The following PCTP variants were observed in gnomAD, a reference collection of about 807,000 sequenced individuals.
PCTP encodes the protein START domain-containing protein 2.
In PCTP, 27 loss-of-function variants were observed where a neutral mutation model predicts 31.0. The ratio of observed to expected loss-of-function variants is 0.87; its 90% CI spans 0.64 to 1.20. PCTP has a LOEUF of 1.20. Among genes scored for constraint, PCTP ranks in the 50% most tolerant of loss-of-function variants. The pLI is 0.00. For synonymous variants in PCTP, 108 were observed against 101.2 expected, an observed-to-expected ratio of 1.07 and a Z score of -0.40; for missense variants, 287 against 268.2, an observed-to-expected ratio of 1.07 and a Z score of -0.49.
At chr17:55,799,281 G>T (rs936013055) in intron 3 of PCTP, among the ~76,000 whole-genome samples, 1 of 151,898 alleles carries the variant, frequency 6.6e-6, no homozygotes, top group Non-Finnish European at 1.5e-5. Context: ...AATGCAAAAA[G>T]GTTAAAAGTA....
intron 5 of PCTP, among the ~76,000 whole-genome samples, chr17:55,830,683 A>T (rs1905564242): frequency 6.6e-6 from 1 of 152,226 alleles, no homozygotes; most frequent in Admixed American, 6.5e-5. Flanking sequence ...CGTGACATTA[A>T]TAAATCAGAA....
chr17:55,820,593 T>C lies in PCTP; in HGVS notation c.318-2168T>C, dbSNP rs367740325. 8.5e-5 allele frequency among the ~76,000 whole-genome samples: 13 copies of C among 152,326 alleles called. No individual in the cohort carries two copies. In the East Asian group the frequency reaches 2.1e-3, roughly 25 times the overall value. Reference sequence around the variant, plus strand: ...GGCCCTACATCTTAATACTATCACATTGGTGATTAGACTTTAACATATGAA... The same window carrying C: ...GGCCCTACATCTTAATACTATCACACTGGTGATTAGACTTTAACATATGAA... On this transcript the variant is annotated intron_variant, in intron 3 of 3. Coordinates refer to the PCTP transcript ENST00000572536.
downstream of PCTP, among the ~76,000 whole-genome samples, chr17:55,847,824 T>C (rs376470517): frequency 6.6e-6 from 1 of 152,224 alleles, no homozygotes; most frequent in Non-Finnish European, 1.5e-5. Flanking sequence ...TGTCTATCCA[T>C]ATTAAAACAG....
chr17:55,848,098 T>C, the PCTP span, among the ~76,000 whole-genome samples: 3 of 152,106 alleles, frequency 2.0e-5, no homozygotes, highest in Non-Finnish European at 4.4e-5. Flanking sequence ...AATTTTTGCA[T>C]TTTCTTAGTA....
chr17:55,824,593 T>C (rs1905334983), downstream of PCTP, among the ~76,000 whole-genome samples: 1 of 152,252 alleles, frequency 6.6e-6, no homozygotes, highest in African/African-American at 2.4e-5. Context: ...AGAGAAGCTT[T>C]TGTTATCAAC....
intron 2 of PCTP, chr17:55,769,379 G>C (rs1285212391): frequency 6.6e-6 from 1 of 152,234 alleles, no homozygotes; most frequent in Non-Finnish European, 1.5e-5. Context: ...GCCAGACACT[G>C]TCTGTCCAGG....
intron 1 of PCTP, among the ~76,000 whole-genome samples, chr17:55,754,305 C>G (rs865811990): frequency 1.3e-5 from 2 of 152,180 alleles, no homozygotes; most frequent in South Asian, 4.1e-4. Context: ...CCCATGACCC[C>G]CTCCTTGGAT....
At chr17:55,822,313 G>T (rs1460343340) in intron 3 of PCTP, among the ~76,000 whole-genome samples, 1 of 152,202 alleles carries the variant, frequency 6.6e-6, no homozygotes, top group Non-Finnish European at 1.5e-5. Flanking sequence ...CTGGGATTTT[G>T]TCAAATTCCA....
intron 3 of PCTP, among the ~76,000 whole-genome samples, chr17:55,800,409 GTT>G (rs1269984844): frequency 6.6e-6 from 1 of 151,814 alleles, no homozygotes; most frequent in African/African-American, 2.4e-5. Flanking sequence ...CTTGTGCTGT[GTT>G]TTTCATCTGC....
chr17:55,845,732 C>T (rs1351893939), downstream of PCTP, among the ~76,000 whole-genome samples: 3 of 152,118 alleles, frequency 2.0e-5, no homozygotes, highest in Non-Finnish European at 2.9e-5. Context: ...ACCCCCGGGA[C>T]CCCGGGCGTG....
At chr17:55,780,783 A>G (rs73314343), downstream of PCTP, among the ~76,000 whole-genome samples, 24,384 of 152,106 alleles carry the variant, frequency 0.16, 4,671 homozygotes, top group African/African-American at 0.46. Context: ...CCAATATCAT[A>G]TGAGCATAAA....
At chr17:55,835,006 G>A (rs1374989087) in intron 5 of PCTP, among the ~76,000 whole-genome samples, 1 of 152,162 alleles carries the variant, frequency 6.6e-6, no homozygotes, top group Non-Finnish European at 1.5e-5. Flanking sequence ...TACGATTATG[G>A]CCTTATAAGA....
In PCTP at chr17:55,751,088, C is replaced by T. The variant is rs972551638; in HGVS notation, c.-16C>T. On this transcript the variant is annotated 5_prime_UTR_variant, in exon 1 of 6. Transcript: ENST00000268896. The stretch of plus-strand genomic sequence containing the variant: ...GCGGCCTGCCCTCCAGGCGGAGGAG[C>T]CCGGACTGCGGAAGGATGGAGCTGG... The T allele has an allele frequency of 5.2e-5, 79 of 1,525,054 alleles. No homozygotes were observed. In the African/African-American group the frequency reaches 9.4e-4, roughly 18 times the overall value. The allele number at this position is 1,525,054 out of a possible 1,614,324, so 94.5% of individuals were successfully genotyped here. A position where few individuals can be genotyped will look rare whatever the true frequency, so the allele number is the denominator to read the frequency against.
At chr17:55,770,849 A>G (rs1413610066) in intron 2 of PCTP, 14 of 313,968 alleles carry the variant, frequency 4.5e-5, no homozygotes, top group Non-Finnish European at 5.9e-5. Context: ...CCTCCAGAGT[A>G]GCTGGGACTA....
intron 3 of PCTP, among the ~76,000 whole-genome samples, chr17:55,817,198 G>A (rs1912947184): frequency 6.6e-6 from 1 of 152,202 alleles, no homozygotes; most frequent in Non-Finnish European, 1.5e-5. Flanking sequence ...CTCAAGTTGT[G>A]CCAGGGCTTG....
downstream of PCTP, among the ~76,000 whole-genome samples, chr17:55,827,992 A>T (rs567457883): frequency 6.6e-6 from 1 of 152,284 alleles, no homozygotes; most frequent in East Asian, 1.9e-4. Flanking sequence ...ATTTGCGTTC[A>T]AGGGTGTATA....
At chr17:55,817,354 G>C (rs1221053536) in intron 3 of PCTP, among the ~76,000 whole-genome samples, 3 of 152,226 alleles carry the variant, frequency 2.0e-5, no homozygotes, top group Non-Finnish European at 4.4e-5. Context: ...TTGCCACAGA[G>C]TCCAGAAAGT....
At chr17:55,789,332 G>C (rs772153715) in intron 3 of PCTP, among the ~76,000 whole-genome samples, 6 of 152,104 alleles carry the variant, frequency 3.9e-5, no homozygotes, top group Non-Finnish European at 7.4e-5. Context: ...AGCAAATATG[G>C]TATCAGAAGA....
intron 3 of PCTP, among the ~76,000 whole-genome samples, chr17:55,802,616 C>T (rs1912424597): frequency 6.6e-6 from 1 of 152,120 alleles, no homozygotes; most frequent in Admixed American, 6.6e-5. Flanking sequence ...TGACAAAAAC[C>T]ACATGATAAT....
Sources: gnomAD v4.1 joint callset for allele counts (sites outside exome capture counted in the v4.1 genomes callset) on GRCh38, gnomAD v4.1.1 for gene constraint, MANE v1.5 for transcripts, NCBI Gene and HGNC (gene_info 2026-07-23, HGNC 2026-07-21) for gene names.